CSTPP1: variants seen among roughly 807,000 people sequenced by gnomAD.
CSTPP1 encodes the protein UPF0705 protein C11orf49.
At chr11:47,108,704 C>CTTT in the CSTPP1 span, among the ~76,000 whole-genome samples, 39 of 118,348 alleles carry the variant, frequency 3.3e-4, no homozygotes, top group African/African-American at 4.0e-4. Context: ...GTACTATCTA[C>CTTT]TTTTTTTTTT....
the CSTPP1 span, among the ~76,000 whole-genome samples, chr11:47,128,696 T>C: frequency 1.5e-3 from 235 of 152,330 alleles, no homozygotes; most frequent in African/African-American, 5.4e-3. Flanking sequence ...CCTAGATTTC[T>C]ATTTTTTAAA....
the CSTPP1 span, among the ~76,000 whole-genome samples, chr11:47,043,019 C>G: frequency 6.6e-6 from 1 of 152,248 alleles, no homozygotes; most frequent in Admixed American, 6.5e-5. Flanking sequence ...ATAAATTCAT[C>G]TGACTAGGAA....
the CSTPP1 span, among the ~76,000 whole-genome samples, chr11:47,148,278 C>A: frequency 7.2e-5 from 11 of 152,308 alleles, no homozygotes; most frequent in African/African-American, 2.6e-4. Flanking sequence ...TGGGGACACC[C>A]TTCAGCCACC....
the CSTPP1 span, among the ~76,000 whole-genome samples, chr11:47,064,471 T>C: frequency 6.6e-6 from 1 of 152,204 alleles, no homozygotes; most frequent in African/African-American, 2.4e-5. Context: ...AGGTATTTGA[T>C]CAATTTTGAG....
the CSTPP1 span, among the ~76,000 whole-genome samples, chr11:46,958,840 G>C: frequency 6.6e-6 from 1 of 152,154 alleles, no homozygotes; most frequent in East Asian, 1.9e-4. Context: ...GGTGTCCCAG[G>C]GCAAGATGAG....
the CSTPP1 span, among the ~76,000 whole-genome samples, chr11:47,083,257 A>G: frequency 6.6e-6 from 1 of 152,148 alleles, no homozygotes; most frequent in African/African-American, 2.4e-5. Context: ...TTCAAGATTT[A>G]TCCATGTTGT....
At chr11:47,002,429 T>G in the CSTPP1 span, among the ~76,000 whole-genome samples, 1 of 152,308 alleles carries the variant, frequency 6.6e-6, no homozygotes, top group South Asian at 2.1e-4. Flanking sequence ...AAGTTGCCTG[T>G]TTTTGTAGAA....
the CSTPP1 span, among the ~76,000 whole-genome samples, chr11:47,131,734 T>C: frequency 8.5e-5 from 13 of 152,158 alleles, no homozygotes; most frequent in Non-Finnish European, 1.6e-4. Context: ...CCCAGCACTT[T>C]GGGAGGCTGA....
At chr11:47,065,750 T>C in the CSTPP1 span, among the ~76,000 whole-genome samples, 72 of 151,984 alleles carry the variant, frequency 4.7e-4, no homozygotes, top group South Asian at 2.7e-3. Flanking sequence ...TTATTATTAT[T>C]ATTATTTTTT....
chr11:47,009,014 G>C, the CSTPP1 span, among the ~76,000 whole-genome samples: 15 of 149,380 alleles, frequency 1.0e-4, no homozygotes, highest in Admixed American at 6.0e-4. Flanking sequence ...CTGGGCAACA[G>C]AGCAAGACTC....
the CSTPP1 span, among the ~76,000 whole-genome samples, chr11:47,153,593 G>A: frequency 2.6e-5 from 4 of 152,180 alleles, no homozygotes; most frequent in Non-Finnish European, 2.9e-5. Flanking sequence ...GACTCTTCAC[G>A]TGTAGAATGG....
At chr11:47,062,105 G>A in the CSTPP1 span, among the ~76,000 whole-genome samples, 1 of 151,884 alleles carries the variant, frequency 6.6e-6, no homozygotes, top group East Asian at 1.9e-4. Context: ...TCTGAATTGG[G>A]TCCTTCCATT....
the CSTPP1 span, among the ~76,000 whole-genome samples, chr11:47,046,668 T>TTC: frequency 4.8e-3 from 598 of 123,952 alleles, 7 homozygotes; most frequent in African/African-American, 0.017. Context: ...TTCTTTTTTT[T>TTC]TTTTTTTTTT....
the CSTPP1 span, among the ~76,000 whole-genome samples, chr11:47,114,297 G>A: frequency 2.0e-5 from 3 of 152,150 alleles, no homozygotes; most frequent in Non-Finnish European, 4.4e-5. Flanking sequence ...CTCCAGCTTT[G>A]TCCTTTTTGC....
the CSTPP1 span, among the ~76,000 whole-genome samples, chr11:46,957,525 T>A: frequency 6.6e-6 from 1 of 152,224 alleles, no homozygotes; most frequent in Non-Finnish European, 1.5e-5. Flanking sequence ...AAAGCATTTC[T>A]CCCCTATCTT....
At chr11:47,161,875 G>C in the CSTPP1 span, 1 of 1,317,006 alleles carries the variant, frequency 7.6e-7, no homozygotes, top group African/African-American at 1.5e-5. Flanking sequence ...TAGGCCCCAA[G>C]CTGACAGACT....
At chr11:47,161,920 A>C in the CSTPP1 span, 1 of 1,204,808 alleles carries the variant, frequency 8.3e-7, no homozygotes, top group Admixed American at 4.1e-5. Context: ...GTAGCCTGTT[A>C]GTCCTCCTAA....
At chr11:47,151,596 G>GT in the CSTPP1 span, among the ~76,000 whole-genome samples, 9 of 4,994 alleles carry the variant, frequency 1.8e-3, no homozygotes, top group East Asian at 0.22. Flanking sequence ...GCAGAGGGTG[G>GT]CGGGGGGAAG....
At chr11:47,003,033 A>G in the CSTPP1 span, among the ~76,000 whole-genome samples, 7 of 152,280 alleles carry the variant, frequency 4.6e-5, no homozygotes, top group African/African-American at 1.7e-4. Flanking sequence ...AAACTAGGCC[A>G]GATTATAGGC....
Sources: allele counts gnomAD v4.1 joint callset (sites outside exome capture counted in the v4.1 genomes callset), GRCh38; gene constraint gnomAD v4.1.1; transcripts MANE v1.5; gene names NCBI Gene and HGNC (gene_info 2026-07-23, HGNC 2026-07-21).